The following DLG2 variants were observed in gnomAD, a reference collection of about 807,000 sequenced individuals.
DLG2 encodes the protein disks large homolog 2.
Under a neutral mutation model 132.5 loss-of-function variants are expected in DLG2, and 45 were observed. The ratio of observed to expected loss-of-function variants is 0.34; its 90% CI spans 0.27 to 0.44. The LOEUF is 0.44. DLG2 is among the 20% of genes least tolerant of loss of function. DLG2 has a pLI of 1.00. For synonymous variants in DLG2, 424 were observed against 419.6 expected (o/e 1.01, Z -0.13); for missense variants, 1,045 against 1,196.9 (o/e 0.87, Z 1.87).
chr11:85,510,415 C>T, intron 3 of DLG2, among the ~76,000 whole-genome samples: 1 of 152,004 alleles, frequency 6.6e-6, no homozygotes, highest in African/African-American at 2.4e-5. Context: ...AAAGAAACTA[C>T]CATCAGAGTG....
intron 3 of DLG2, among the ~76,000 whole-genome samples, chr11:85,488,308 G>A (rs564413532): frequency 1.4e-4 from 22 of 151,820 alleles, no homozygotes; most frequent in Non-Finnish European, 2.8e-4. Context: ...AGAATCGCTT[G>A]AACCCAAGAG....
intron 17 of DLG2, among the ~76,000 whole-genome samples, chr11:83,829,902 C>T (rs959937946): frequency 2.6e-5 from 4 of 152,092 alleles, no homozygotes; most frequent in African/African-American, 9.7e-5. Flanking sequence ...CCCACTTGCC[C>T]CACCATACGA....
At chr11:85,475,045 A>G (rs1597685259) in intron 3 of DLG2, among the ~76,000 whole-genome samples, 1 of 151,828 alleles carries the variant, frequency 6.6e-6, no homozygotes, top group African/African-American at 2.4e-5. Flanking sequence ...TTTAAAGACT[A>G]ATAAGATAAG....
At chr11:84,751,512 T>A (rs1225650789) in intron 6 of DLG2, among the ~76,000 whole-genome samples, 1 of 152,112 alleles carries the variant, frequency 6.6e-6, no homozygotes, top group Non-Finnish European at 1.5e-5. Context: ...TCTCTTTCTC[T>A]GTGTGGTGAC....
chr11:84,708,397 T>A (rs1337574869), intron 6 of DLG2, among the ~76,000 whole-genome samples: 1 of 151,856 alleles, frequency 6.6e-6, no homozygotes, highest in East Asian at 1.9e-4. Context: ...AGCAAGCAAA[T>A]ACACAATCCC....
chr11:85,012,526 A>C (rs1017542414), intron 6 of DLG2, among the ~76,000 whole-genome samples: 7 of 152,202 alleles, frequency 4.6e-5, no homozygotes, highest in Non-Finnish European at 8.8e-5. Context: ...CTCTGTCTCA[A>C]GAAAAAAAAA....
chr11:84,128,901 A>G (rs962525563), intron 9 of DLG2, among the ~76,000 whole-genome samples: 1 of 152,168 alleles, frequency 6.6e-6, no homozygotes, highest in Non-Finnish European at 1.5e-5. Flanking sequence ...TATAAAATAG[A>G]TCACCTTTTT....
intron 18 of DLG2, among the ~76,000 whole-genome samples, chr11:83,664,382 G>A (rs533724639): frequency 8.5e-5 from 13 of 152,054 alleles, no homozygotes; most frequent in Non-Finnish European, 1.6e-4. Context: ...AGGGGAGTGG[G>A]AATGGCTGGT....
intron 6 of DLG2, among the ~76,000 whole-genome samples, chr11:84,972,678 C>A (rs376965582): frequency 2.0e-4 from 30 of 152,100 alleles, no homozygotes; most frequent in Non-Finnish European, 3.5e-4. Flanking sequence ...TTTAATGGGC[C>A]GCTCTGTCAA....
intron 7 of DLG2, among the ~76,000 whole-genome samples, chr11:84,496,060 G>C (rs568279245): frequency 2.0e-5 from 3 of 152,144 alleles, no homozygotes; most frequent in African/African-American, 7.2e-5. Context: ...CTAAGCTGGA[G>C]TGAGCTAAGC....
intron 22 of DLG2, among the ~76,000 whole-genome samples, chr11:83,475,694 CTCTTTTCTTTTCTCTCTTCTTTTTT>C (rs1565377212): frequency 6.8e-6 from 1 of 148,022 alleles, no homozygotes; most frequent in African/African-American, 2.5e-5. Context: ...CAAGTTCTCT[CTCTTTTCTTTTCTCTCTTCTTTTTT>C]TCTTTTCTTT....
chr11:83,510,061 T>A (rs2094926197), intron 21 of DLG2, among the ~76,000 whole-genome samples: 1 of 152,210 alleles, frequency 6.6e-6, no homozygotes, highest in Non-Finnish European at 1.5e-5. Flanking sequence ...TGGGTCCTCC[T>A]TATCTATGTG....
chr11:84,539,650 G>A (rs1041617051), intron 6 of DLG2, among the ~76,000 whole-genome samples: 4 of 152,136 alleles, frequency 2.6e-5, no homozygotes, highest in African/African-American at 9.7e-5. Flanking sequence ...AATTACCTTG[G>A]GCAGTATGGC....
rs565374844 is a variant in DLG2 at position 83,555,610 on chromosome 11, A to G, written c.1941-13752T>C. On this transcript the variant is annotated intron_variant, in intron 19 of 27. Coordinates refer to ENST00000376104, the MANE Select transcript of DLG2 (RefSeq NM_001142699.3). The stretch of plus-strand genomic sequence containing the variant: ...ATGTTTTCAAAATTTTATTACCAGA[A>G]TATATCATTTTTTTTTCTTCAAAAG... Among the ~76,000 whole-genome samples, 138 of 126,126 alleles carry G rather than the reference A, an allele frequency of 1.1e-3. 2 individuals are homozygous for G. In the South Asian group the frequency reaches 0.036, roughly 33 times the overall value. 82.7% of individuals were successfully genotyped at this position (126,126 alleles called of 152,430 possible).
At position 83,532,730 on chromosome 11, in the gene DLG2, G is replaced by A; in HGVS notation, c.2171C>T (p.Pro724Leu). The change falls in exon 21 of 28, where the codon CCT (proline) becomes CTT (leucine). Residue 724 changes from proline to leucine, a missense_variant. Physicochemically the swap from Pro to Leu is moderately conservative, Grantham distance 98. Coordinates refer to ENST00000376104, the MANE Select transcript of DLG2 (RefSeq NM_001142699.3). ...TACCCCTTTCGAATCAATCACTCCA[G>A]GTTTGGCATTAAACTTCACTGTCTT... ...RLKTVKFNAK[P>L]GVIDSKGSFN... is the part of the protein sequence containing the mutation. 6.2e-7 allele frequency: 1 copy of A among 1,613,250 alleles called. No individual in the cohort carries two copies. Among genetic ancestry groups the A allele is most frequent in the Non-Finnish European group, 8.5e-7 (1 of 1,179,484 alleles).
chr11:84,278,491 A>G (rs906972013), intron 7 of DLG2, among the ~76,000 whole-genome samples: 2 of 151,898 alleles, frequency 1.3e-5, no homozygotes, highest in Non-Finnish European at 2.9e-5. Flanking sequence ...TTTTGAGGCC[A>G]GCATTACCCT....
intron 3 of DLG2, among the ~76,000 whole-genome samples, chr11:85,328,701 T>C (rs1463856836): frequency 6.6e-6 from 1 of 151,566 alleles, no homozygotes; most frequent in African/African-American, 2.4e-5. Flanking sequence ...AGCATTCCCT[T>C]TGAAAACCGG....
intron 16 of DLG2, among the ~76,000 whole-genome samples, chr11:83,866,126 G>A (rs952397051): frequency 2.6e-5 from 4 of 151,762 alleles, no homozygotes; most frequent in African/African-American, 7.3e-5. Flanking sequence ...ATTTATTTGT[G>A]TGATTATTCA....
At chr11:84,402,285 C>CTG (rs2098832179) in intron 7 of DLG2, among the ~76,000 whole-genome samples, 1 of 152,010 alleles carries the variant, frequency 6.6e-6, no homozygotes, top group Non-Finnish European at 1.5e-5. Flanking sequence ...ATTATTTATC[C>CTG]CTCTCAATCC....
Sources: gnomAD v4.1 joint callset for allele counts (sites outside exome capture counted in the v4.1 genomes callset) on GRCh38, gnomAD v4.1.1 for gene constraint, MANE v1.5 for transcripts, NCBI Gene and HGNC (gene_info 2026-07-23, HGNC 2026-07-21) for gene names.